ARHGAP5: variants seen among roughly 807,000 people sequenced by gnomAD.
ARHGAP5 encodes Rho GTPase activating protein 5.
Under a neutral mutation model 116.6 loss-of-function variants are expected in ARHGAP5, and 23 were observed. That is an observed-to-expected ratio of 0.20 (90% CI 0.14 to 0.28). The LOEUF is 0.28. Ranked by LOEUF, ARHGAP5 falls within the 10% of genes least tolerant of loss-of-function variation. ARHGAP5 has a pLI of 1.00. For missense variants in ARHGAP5, 1,405 were observed against 1,774.8 expected, an observed-to-expected ratio of 0.79 and a Z score of 3.74; for synonymous variants, 574 against 602.0, an observed-to-expected ratio of 0.95 and a Z score of 0.68.
In ARHGAP5 at chr14:32,139,600, T is replaced by C. The variant is rs189316442; in HGVS notation, c.3866-6663T>C. Among the ~76,000 whole-genome samples, 91 of 152,164 alleles carry C rather than the reference T, an allele frequency of 6.0e-4. 1 individual carries two copies. The highest frequency in any genetic ancestry group is 2.0e-3 in the African/African-American group (85 of 41,588). ...AGTAATTGGAGTCTTCTCTTTTTTT[T>C]CCTTGGTAAATCTAGCTAAAGGTTT... On this transcript the variant is annotated intron_variant, in intron 3 of 6. Transcript: ENST00000345122.
intron 3 of ARHGAP5, among the ~76,000 whole-genome samples, chr14:32,139,481 A>G (rs1338423205): frequency 6.6e-6 from 1 of 152,052 alleles, no homozygotes; most frequent in African/African-American, 2.4e-5. Context: ...TAACTTACCT[A>G]ATTTGATGGC....
chr14:32,117,273 T>G lies in ARHGAP5; in HGVS notation c.3851T>G (p.Phe1284Cys). The change falls in exon 3 of 7, where the codon TTT becomes TGT. Residue 1284 changes from phenylalanine to cysteine, a missense_variant. Physicochemically the swap from Phe to Cys is radical, Grantham distance 205. Transcript: ENST00000345122. ...IPLFVEKCVE[F>C]IEDTGLCTEG... ...CTATTTGTTGAGAAATGTGTGGAAT[T>G]TATTGAAGATACAGGTAGGATAGAA... 1 of 1,602,274 alleles carries G rather than the reference T, an allele frequency of 6.2e-7. No homozygotes were observed. Among genetic ancestry groups the G allele is most frequent in the Non-Finnish European group, 8.5e-7 (1 of 1,173,288 alleles).
At chr14:32,097,348 T>G (rs1281729898) in intron 2 of ARHGAP5, among the ~76,000 whole-genome samples, 1 of 152,184 alleles carries the variant, frequency 6.6e-6, no homozygotes, top group Non-Finnish European at 1.5e-5. Flanking sequence ...AATCTGTACA[T>G]GTAGTTTACC....
At chr14:32,146,213 G>T (rs1363016491) in intron 3 of ARHGAP5, 50 bp from the exon 4 acceptor site, 4 of 1,371,668 alleles carry the variant, frequency 2.9e-6, no homozygotes, top group Non-Finnish European at 4.1e-6. Context: ...GCCCAGCCGT[G>T]TGGATATATA....
chr14:32,106,032 C>G (rs1376187549), intron 2 of ARHGAP5, among the ~76,000 whole-genome samples: 1 of 152,178 alleles, frequency 6.6e-6, no homozygotes, highest in African/African-American at 2.4e-5. Context: ...CAGGTCGTTC[C>G]AGTTTTTGTC....
intron 3 of ARHGAP5, among the ~76,000 whole-genome samples, chr14:32,120,420 GTTTC>G (rs1879825036): frequency 6.7e-6 from 1 of 150,068 alleles, no homozygotes; most frequent in African/African-American, 2.4e-5. Context: ...AATTCTACTT[GTTTC>G]TTTCTTCTTT....
At chr14:32,140,115 C>CTTTTTT (rs376976211) in intron 3 of ARHGAP5, among the ~76,000 whole-genome samples, 5 of 25,426 alleles carry the variant, frequency 2.0e-4, no homozygotes, top group South Asian at 1.5e-3. Flanking sequence ...TTTTTTTTTC[C>CTTTTTT]TTTTTTTTTT....
chr14:32,130,976 G>A (rs919316136), intron 3 of ARHGAP5, among the ~76,000 whole-genome samples: 2 of 152,302 alleles, frequency 1.3e-5, no homozygotes, highest in Admixed American at 1.3e-4. Flanking sequence ...AGGCTGGTGG[G>A]AGGTGCTGAA....
chr14:32,089,237 C>T (rs1246594024), intron 1 of ARHGAP5, among the ~76,000 whole-genome samples: 14 of 151,750 alleles, frequency 9.2e-5, no homozygotes, highest in Non-Finnish European at 4.4e-5. Context: ...AACATATGTT[C>T]GGTGTAATTG....
intron 2 of ARHGAP5, among the ~76,000 whole-genome samples, chr14:32,098,594 A>G (rs1456472744): frequency 6.6e-6 from 1 of 152,194 alleles, no homozygotes; most frequent in Non-Finnish European, 1.5e-5. Flanking sequence ...ACTTTCTGTA[A>G]AGGGCCTGAT....
At chr14:32,116,679 C>T (rs1321230349) in intron 2 of ARHGAP5, among the ~76,000 whole-genome samples, 3 of 152,058 alleles carry the variant, frequency 2.0e-5, no homozygotes, top group South Asian at 2.1e-4. Context: ...ATGGAACTAA[C>T]GGTTCATGGA....
intron 1 of ARHGAP5, among the ~76,000 whole-genome samples, chr14:32,088,936 A>T (rs187455064): frequency 1.3e-5 from 2 of 152,088 alleles, no homozygotes; most frequent in East Asian, 3.9e-4. Flanking sequence ...GTCATCAACT[A>T]GTAAATGATA....
rs528835419 is a variant in ARHGAP5, at chr14:32,158,108, A to C, written c.*3160A>C. On this transcript the variant is annotated 3_prime_UTR_variant, in exon 7 of 7. Transcript: ENST00000345122. ...AAGCTTCTGATGTATAAAGAATGCTATGAATAAAACATTAAGAAGCTGTGT... is the reference window on the plus strand; with the variant it reads ...AAGCTTCTGATGTATAAAGAATGCTCTGAATAAAACATTAAGAAGCTGTGT... 4.7e-4 allele frequency: 71 copies of C among 151,842 alleles called. No homozygotes were observed. Among genetic ancestry groups the C allele is most frequent in the Non-Finnish European group, 9.2e-4 (62 of 67,756 alleles). 9.4% of individuals were successfully genotyped at this position (151,842 alleles called of 1,614,324 possible). A position where few individuals can be genotyped will look rare whatever the true frequency, so the allele number is the denominator to read the frequency against.
rs1307176744 is a variant in ARHGAP5 at position 32,158,493 on chromosome 14, A to G, written c.*3545A>G. Reference sequence around the variant, plus strand: ...AGCAGAGCTGCTAATATTAACGAATATATTTGTGTCTTCATGGTTTGTGAC... The same window carrying G: ...AGCAGAGCTGCTAATATTAACGAATGTATTTGTGTCTTCATGGTTTGTGAC... On this transcript the variant is annotated 3_prime_UTR_variant, in exon 7 of 7. Transcript: ENST00000345122. 3 of 152,002 alleles carry G rather than the reference A, an allele frequency of 2.0e-5. No individual in the cohort carries two copies. The highest frequency in any genetic ancestry group is 1.3e-4 in the Admixed American group (2 of 15,252). The allele number at this position is 152,002 out of a possible 1,614,324, so 9.4% of individuals were successfully genotyped here.
chr14:32,083,906 A>G (rs2041803218), intron 1 of ARHGAP5, among the ~76,000 whole-genome samples: 2 of 152,212 alleles, frequency 1.3e-5, no homozygotes, highest in South Asian at 2.1e-4. Flanking sequence ...AGACTTTCCT[A>G]TATGTACCTT....
intron 3 of ARHGAP5, among the ~76,000 whole-genome samples, chr14:32,140,596 A>G (rs1444735356): frequency 6.6e-6 from 1 of 152,152 alleles, no homozygotes; most frequent in Non-Finnish European, 1.5e-5. Context: ...TCTCAAAAAA[A>G]GAAAAAAGAA....
chr14:32,147,615 A>C (rs933989927), intron 4 of ARHGAP5, among the ~76,000 whole-genome samples: 1 of 152,210 alleles, frequency 6.6e-6, no homozygotes, highest in African/African-American at 2.4e-5. Flanking sequence ...TTGCATAAGC[A>C]TGCCAAGATA....
Position 32,091,451 on chromosome 14 carries a change from C to T in ARHGAP5, c.782C>T (p.Ala261Val). Residue 261 changes from alanine (A) to valine (V), a missense_variant, in exon 2 of 7, where the codon GCT (alanine) becomes GTT (valine). Transcript: ENST00000345122. ...SKPKIIPYLD[A>V]YKTQRQLVVT... ...CCTAAAATTATTCCCTATTTGGATG[C>T]TTATAAAACACAGAGACAACTTGTT... The T allele has an allele frequency of 6.2e-7, 1 of 1,612,472 alleles. No individual in the cohort carries two copies. The highest frequency in any genetic ancestry group is 8.5e-7 in the Non-Finnish European group (1 of 1,179,370).
At position 32,154,856 on chromosome 14, in the gene ARHGAP5, G is replaced by A. The variant is rs200577126; in HGVS notation, c.4417G>A (p.Val1473Met). 72 of 1,614,070 alleles carry A rather than the reference G, an allele frequency of 4.5e-5. No individual in the cohort carries two copies. The East Asian group carries it at 1.5e-3, about 33-fold the overall frequency. Residue 1473 changes from valine (V) to methionine (M), a missense_variant, in exon 7 of 7, where the codon GTG (valine) becomes ATG (methionine). By Grantham distance (21) the Val-to-Met change is conservative (BLOSUM62 1). Around this residue, in one of 6 missense-constraint regions of ARHGAP5, gnomAD observed 85 missense variants for 96.6 expected, o/e 0.88. Coordinates refer to ENST00000345122, the MANE Select transcript of ARHGAP5 (RefSeq NM_001030055.2). ...ACCACCTTCAAACCCAGGACAGTTG[G>A]TGGAACCAATGGTGCCACTTCAGTT... ...PPPPSNPGQL[V>M]EPMVPLQLPP...
Sources: gnomAD v4.1 joint callset for allele counts (sites outside exome capture counted in the v4.1 genomes callset) on GRCh38, gnomAD v4.1.1 for gene constraint, gnomAD v4.1.1 regional missense constraint, MANE v1.5 for transcripts, NCBI Gene and HGNC (gene_info 2026-07-23, HGNC 2026-07-21) for gene names.